The following TNFRSF8 variants were observed in gnomAD, a reference collection of about 807,000 sequenced individuals.
The protein encoded by TNFRSF8 is tumor necrosis factor receptor superfamily member 8.
In TNFRSF8, 26 loss-of-function variants were observed where a neutral mutation model predicts 70.8. That is an observed-to-expected ratio of 0.37 (90% CI 0.27 to 0.51). TNFRSF8 has a LOEUF of 0.51. TNFRSF8 is among the 20% of genes least tolerant of loss of function. TNFRSF8 has a pLI of 0.94. For synonymous variants in TNFRSF8, 356 were observed against 339.2 expected, an observed-to-expected ratio of 1.05 and a Z score of -0.54; for missense variants, 720 against 807.9, an observed-to-expected ratio of 0.89 and a Z score of 1.32.
chr1:12,088,285 A>G lies in TNFRSF8; in HGVS notation c.151+3734A>G, dbSNP rs1243170182. Among the ~76,000 whole-genome samples, 2 of 152,080 alleles carry G rather than the reference A, an allele frequency of 1.3e-5. No individual in the cohort carries two copies. Among genetic ancestry groups the G allele is most frequent in the African/African-American group, 4.8e-5 (2 of 41,404 alleles). The stretch of plus-strand genomic sequence containing the variant: ...CAATGACCACGATTCATACCGATGG[A>G]GCACGCTATGTGCTGGCCACTGTGC... On this transcript the variant is annotated intron_variant, in intron 2 of 14. Coordinates refer to ENST00000263932, the MANE Select transcript of TNFRSF8 (RefSeq NM_001243.5). This position sits in a 1 kb window ranked among gnomAD's most constrained non-coding sequence, Gnocchi z 4.0.
At chr1:12,086,290 G>A (rs910881272) in intron 2 of TNFRSF8, among the ~76,000 whole-genome samples, 2 of 152,218 alleles carry the variant, frequency 1.3e-5, no homozygotes, top group African/African-American at 4.8e-5. Flanking sequence ...ATTTTGATTT[G>A]TATTTCCAAC....
chr1:12,134,245 G>C (rs1642105313), intron 12 of TNFRSF8, among the ~76,000 whole-genome samples: 1 of 152,170 alleles, frequency 6.6e-6, no homozygotes, highest in African/African-American at 2.4e-5. Context: ...TGACATACGG[G>C]CATCTTGGTG....
In TNFRSF8 at chr1:12,138,133, G is replaced by C; in HGVS notation, c.1336-96G>C. Reference sequence around the variant, plus strand: ...TAAAGCAGAAAGGGGGACTCACTGGGGTCTGTAGAGATGAAAAAAAAAAGG... The same window carrying C: ...TAAAGCAGAAAGGGGGACTCACTGGCGTCTGTAGAGATGAAAAAAAAAAGG... On this transcript the variant is annotated intron_variant, in intron 13 of 14. Coordinates refer to ENST00000263932, the MANE Select transcript of TNFRSF8 (RefSeq NM_001243.5). The surrounding 1 kb of genome is among the most constrained non-coding windows in gnomAD (Gnocchi z 5.7). The C allele has an allele frequency of 7.8e-7, 1 of 1,283,868 alleles. No homozygotes were observed. The highest frequency in any genetic ancestry group is 1.4e-5 in the South Asian group (1 of 69,106). The allele number at this position is 1,283,868 out of a possible 1,614,324, so 79.5% of individuals were successfully genotyped here. A position where few individuals can be genotyped will look rare whatever the true frequency, so the allele number is the denominator to read the frequency against.
chr1:12,117,682 G>A (rs1641757912), intron 8 of TNFRSF8, among the ~76,000 whole-genome samples: 3 of 152,184 alleles, frequency 2.0e-5, no homozygotes. Flanking sequence ...ATTCAGTAGA[G>A]TCCTTAGGAT....
Position 12,142,755 on chromosome 1 carries a change from A to G in TNFRSF8, c.*224A>G, listed in dbSNP as rs1021726111. On this transcript the variant is annotated 3_prime_UTR_variant, in exon 15 of 15. Coordinates refer to ENST00000263932, the MANE Select transcript of TNFRSF8 (RefSeq NM_001243.5). The surrounding 1 kb of genome is among the most constrained non-coding windows in gnomAD (Gnocchi z 5.0). The stretch of plus-strand genomic sequence containing the variant: ...AGCCTAGGGGATCCGGGGCTTGTAC[A>G]GAAGAGACAGTCCAAGGGGACTGGA... 2 of 589,602 alleles carry G rather than the reference A, an allele frequency of 3.4e-6. No homozygotes were observed. Among genetic ancestry groups the G allele is most frequent in the Non-Finnish European group, 5.9e-6 (2 of 340,072 alleles). The allele number at this position is 589,602 out of a possible 1,614,324, so 36.5% of individuals were successfully genotyped here. A position where few individuals can be genotyped will look rare whatever the true frequency, so the allele number is the denominator to read the frequency against.
At chr1:12,079,448 G>A (rs182052816) in intron 1 of TNFRSF8, among the ~76,000 whole-genome samples, 261 of 152,056 alleles carry the variant, frequency 1.7e-3, no homozygotes, top group African/African-American at 5.8e-3. Context: ...GCAAGGGCCC[G>A]AGCACATCCC....
At position 12,109,585 on chromosome 1, in the gene TNFRSF8, G is replaced by A. The variant is rs768014547; in HGVS notation, c.441G>A (p.Thr147=). ...CTGCAGGCACGGCGCAGAAGAACAC[G>A]GTCTGTGAGCCGGCTTCCCCAGGGG... ...VKFPGTAQKN[T]VCEPASPGVS... is the part of the protein sequence containing the mutation. The change falls in exon 5 of 15, where the codon ACG becomes ACA. Residue 147 remains threonine, a synonymous_variant. Transcript: ENST00000263932. The surrounding 1 kb of genome is among the most constrained non-coding windows in gnomAD (Gnocchi z 4.4). 26 of 1,613,552 alleles carry A rather than the reference G, an allele frequency of 1.6e-5. No individual in the cohort carries two copies. Among genetic ancestry groups the A allele is most frequent in the African/African-American group, 4.0e-5 (3 of 74,908 alleles).
At chr1:12,134,891 C>T (rs936417867) in intron 12 of TNFRSF8, among the ~76,000 whole-genome samples, 8 of 152,128 alleles carry the variant, frequency 5.3e-5, no homozygotes, top group Admixed American at 3.9e-4. Flanking sequence ...CAGCCACAGA[C>T]GAGCCTCTGA....
intron 8 of TNFRSF8, among the ~76,000 whole-genome samples, chr1:12,121,670 A>G (rs1463970554): frequency 6.6e-6 from 1 of 152,208 alleles, no homozygotes; most frequent in Non-Finnish European, 1.5e-5. Context: ...GTGGCCAGCT[A>G]TGAACTGGCC....
chr1:12,080,215 C>T (rs915813185), intron 1 of TNFRSF8: 79 of 506,754 alleles, frequency 1.6e-4, no homozygotes, highest in Middle Eastern at 1.4e-3. Context: ...TCCCAGAGTG[C>T]TGAGATTACA....
At chr1:12,122,036 A>G (rs1165273425) in intron 8 of TNFRSF8, among the ~76,000 whole-genome samples, 1 of 152,166 alleles carries the variant, frequency 6.6e-6, no homozygotes, top group African/African-American at 2.4e-5. Context: ...CATAAAGCAG[A>G]TCGGTGGTTG....
At chr1:12,101,060 A>G (rs1056546938) in intron 3 of TNFRSF8, among the ~76,000 whole-genome samples, 7 of 152,058 alleles carry the variant, frequency 4.6e-5, no homozygotes, top group African/African-American at 1.7e-4. Flanking sequence ...CTTCTTCTGG[A>G]TACCTGCAGA....
intron 1 of TNFRSF8, among the ~76,000 whole-genome samples, chr1:12,077,600 G>A (rs1000339314): frequency 2.0e-5 from 3 of 152,182 alleles, no homozygotes; most frequent in Non-Finnish European, 4.4e-5. Flanking sequence ...TAAAGCTTCC[G>A]CTAGGCACAC....
Position 12,108,110 on chromosome 1 carries a change from G to A in TNFRSF8, c.422-1456G>A, listed in dbSNP as rs145359258. Among the ~76,000 whole-genome samples, 89 of 138,558 alleles carry A rather than the reference G, an allele frequency of 6.4e-4. No homozygotes were observed. Among genetic ancestry groups the A allele is most frequent in the African/African-American group, 2.2e-3 (85 of 38,698 alleles). 90.9% of individuals were successfully genotyped at this position (138,558 alleles called of 152,430 possible). A position where few individuals can be genotyped will look rare whatever the true frequency, so the allele number is the denominator to read the frequency against. On this transcript the variant is annotated intron_variant, in intron 4 of 14. Transcript: ENST00000263932. This position sits in a 1 kb window ranked among gnomAD's most constrained non-coding sequence, Gnocchi z 4.0. ...TTTTTTTTTTTTGTGATGGAGCCTC[G>A]ATCTGTCACCCAGACTAGAGTGCAA...
chr1:12,116,835 C>A (rs1570053103), intron 8 of TNFRSF8, among the ~76,000 whole-genome samples: 1 of 151,864 alleles, frequency 6.6e-6, no homozygotes, highest in South Asian at 2.1e-4. Context: ...GAAGGTCACC[C>A]AATGTGACTC....
intron 8 of TNFRSF8, among the ~76,000 whole-genome samples, chr1:12,120,921 G>A (rs1019182670): frequency 6.6e-6 from 1 of 152,194 alleles, no homozygotes; most frequent in Non-Finnish European, 1.5e-5. Context: ...GCACATACAG[G>A]AGGGACAGCA....
intron 2 of TNFRSF8, among the ~76,000 whole-genome samples, chr1:12,089,465 G>A (rs1408419490): frequency 1.3e-5 from 2 of 152,070 alleles, no homozygotes; most frequent in South Asian, 2.1e-4. Context: ...CATCCCACTC[G>A]CAGGTACATC....
At chr1:12,084,418 GATA>G in intron 1 of TNFRSF8, 43 bp from the exon 2 acceptor site, 1 of 1,554,274 alleles carries the variant, frequency 6.4e-7, no homozygotes, top group Non-Finnish European at 8.9e-7. Context: ...AGGGAGTATG[GATA>G]TCTGGGATCC....
At chr1:12,075,004 C>T (rs549785810) in intron 1 of TNFRSF8, among the ~76,000 whole-genome samples, 2 of 152,208 alleles carry the variant, frequency 1.3e-5, no homozygotes, top group African/African-American at 4.8e-5. Context: ...TGCCTGTAAT[C>T]CCAGCACTTT....
Sources: gnomAD v4.1 joint callset for allele counts (sites outside exome capture counted in the v4.1 genomes callset) on GRCh38, gnomAD v4.1.1 for gene constraint, Gnocchi (gnomAD v3.1) non-coding constraint, MANE v1.5 for transcripts, NCBI Gene and HGNC (gene_info 2026-07-23, HGNC 2026-07-21) for gene names.